Variants in PCDH15 observed in about 807,000 individuals in gnomAD.
PCDH15 encodes protocadherin-15.
PCDH15 carries 129 observed loss-of-function variants against 178.5 expected under a neutral mutation model. The observed-to-expected ratio is 0.72, with a 90% CI of 0.63 to 0.84. PCDH15 has a LOEUF of 0.84. Among genes scored for constraint, PCDH15 ranks in the 40% least tolerant of loss-of-function variants. PCDH15 has a pLI of 0.00. For synonymous variants in PCDH15, 800 were observed against 732.0 expected (o/e 1.09, Z -1.50); for missense variants, 2,230 against 2,099.9 (o/e 1.06, Z -1.21).
rs563510991 is a variant in PCDH15, at chr10:54,369,073, T to C, written c.474+47A>G. The C allele has an allele frequency of 5.6e-5, 89 of 1,588,520 alleles. No individual in the cohort carries two copies. The South Asian group carries it at 9.1e-4, about 16-fold the overall frequency. On this transcript the variant is annotated intron_variant, in intron 5 of 37. Transcript: ENST00000644397. ...TAAACATTTATTGTATATAGTTAGATACATATATCAACAGAAAGGACAGAG... is the reference window on the plus strand; with the variant it reads ...TAAACATTTATTGTATATAGTTAGACACATATATCAACAGAAAGGACAGAG...
At chr10:54,694,080 A>G (rs2095178161) in intron 1 of PCDH15, among the ~76,000 whole-genome samples, 1 of 152,144 alleles carries the variant, frequency 6.6e-6, no homozygotes, top group Non-Finnish European at 1.5e-5. Flanking sequence ...CCAGAATGAA[A>G]ATAAAATGAT....
intron 8 of PCDH15, among the ~76,000 whole-genome samples, chr10:54,291,033 T>C (rs1215086180): frequency 6.6e-6 from 1 of 151,538 alleles, no homozygotes; most frequent in Non-Finnish European, 1.5e-5. Flanking sequence ...AACTCATTCA[T>C]TTGAACTCGC....
intron 25 of PCDH15, among the ~76,000 whole-genome samples, chr10:53,918,807 G>A (rs917751642): frequency 1.3e-5 from 2 of 151,142 alleles, no homozygotes; most frequent in Non-Finnish European, 2.9e-5. Context: ...AATAGATTAC[G>A]GCAAAATTAG....
chr10:55,017,519 T>G (rs1422782500), intron 2 of PCDH15, among the ~76,000 whole-genome samples: 1 of 152,144 alleles, frequency 6.6e-6, no homozygotes, highest in African/African-American at 2.4e-5. Flanking sequence ...CTGGAAACAT[T>G]TCTACCATAA....
At chr10:53,926,559 G>A (rs1429510671) in intron 25 of PCDH15, among the ~76,000 whole-genome samples, 3 of 151,952 alleles carry the variant, frequency 2.0e-5, no homozygotes, top group Admixed American at 1.3e-4. Flanking sequence ...ACTAACTTTT[G>A]TTTACCACTA....
chr10:53,807,385 T>C (rs1011756737), intron 37 of PCDH15, among the ~76,000 whole-genome samples: 1 of 152,174 alleles, frequency 6.6e-6, no homozygotes, highest in African/African-American at 2.4e-5. Context: ...GAAACACATG[T>C]ATTCTTTTAG....
intron 3 of PCDH15, among the ~76,000 whole-genome samples, chr10:54,492,428 T>C (rs2079685191): frequency 1.3e-5 from 2 of 152,202 alleles, no homozygotes; most frequent in South Asian, 4.1e-4. Flanking sequence ...TGGTGGATTA[T>C]AGTAGTTACT....
chr10:54,674,920 CAAATAA>C (rs957647315), intron 1 of PCDH15, among the ~76,000 whole-genome samples: 21 of 152,014 alleles, frequency 1.4e-4, no homozygotes, highest in Non-Finnish European at 2.7e-4. Flanking sequence ...GTTTGAGGGG[CAAATAA>C]AATTTGAATA....
At chr10:54,318,500 T>C (rs1578667) in intron 7 of PCDH15, among the ~76,000 whole-genome samples, 31,167 of 152,146 alleles carry the variant, frequency 0.2, 3,249 homozygotes, top group Admixed American at 0.23. Context: ...GCTGTAGGAA[T>C]ACATTGTTAC....
intron 2 of PCDH15, among the ~76,000 whole-genome samples, chr10:55,473,051 A>G (rs1008069767): frequency 6.6e-6 from 1 of 152,334 alleles, no homozygotes; most frequent in African/African-American, 2.4e-5. Flanking sequence ...CCTAATTCAG[A>G]TGAATAGAAT....
At chr10:53,822,705 AAAGTGGAGAATGAG>A in intron 32 of PCDH15, 6 of 1,614,086 alleles carry the variant, frequency 3.7e-6, no homozygotes, top group Non-Finnish European at 5.1e-6. Flanking sequence ...AACAGTTGGC[AAAGTGGAGAATGAG>A]AAGTGAGGCC....
chr10:54,912,365 A>G (rs1213291985), intron 2 of PCDH15, among the ~76,000 whole-genome samples: 1 of 152,024 alleles, frequency 6.6e-6, no homozygotes, highest in Non-Finnish European at 1.5e-5. Flanking sequence ...GTCATGGAGC[A>G]GATTTGCCCT....
intron 10 of PCDH15, among the ~76,000 whole-genome samples, chr10:54,206,792 A>G (rs1425421171): frequency 6.6e-6 from 1 of 152,056 alleles, no homozygotes; most frequent in Non-Finnish European, 1.5e-5. Flanking sequence ...ATGCTCTTTC[A>G]TTGTTATATT....
intron 2 of PCDH15, among the ~76,000 whole-genome samples, chr10:55,024,944 T>A (rs1372692937): frequency 3.3e-5 from 5 of 152,134 alleles, no homozygotes; most frequent in African/African-American, 7.2e-5. Context: ...TGGTTTTTTT[T>A]AATCAAAACA....
intron 3 of PCDH15, among the ~76,000 whole-genome samples, chr10:54,861,724 A>G (rs1381404770): frequency 6.6e-6 from 1 of 152,242 alleles, no homozygotes; most frequent in Non-Finnish European, 1.5e-5. Flanking sequence ...AAGAAATAAA[A>G]GACATCCAAA....
chr10:54,948,736 T>G (rs868220841), intron 2 of PCDH15, among the ~76,000 whole-genome samples: 17 of 152,036 alleles, frequency 1.1e-4, no homozygotes, highest in Middle Eastern at 3.4e-3. Context: ...TATAACAACT[T>G]TAAAAATGAT....
chr10:54,353,400 T>A (rs1944463415), intron 5 of PCDH15, among the ~76,000 whole-genome samples: 2 of 152,160 alleles, frequency 1.3e-5, no homozygotes, highest in South Asian at 4.1e-4. Flanking sequence ...CAATTTATAT[T>A]AAACAAAATG....
intron 1 of PCDH15, among the ~76,000 whole-genome samples, chr10:55,183,338 A>T (rs370897578): frequency 6.6e-6 from 1 of 151,982 alleles, no homozygotes; most frequent in African/African-American, 2.4e-5. Context: ...ATCTTGATAC[A>T]TATTGTAAAT....
At chr10:55,285,938 T>C (rs1373005349) in intron 1 of PCDH15, among the ~76,000 whole-genome samples, 2 of 151,962 alleles carry the variant, frequency 1.3e-5, no homozygotes, top group African/African-American at 4.8e-5. Context: ...TAACCTAAAT[T>C]TGAGTACAGA....
Sources: gnomAD v4.1 joint callset for allele counts (sites outside exome capture counted in the v4.1 genomes callset) on GRCh38, gnomAD v4.1.1 for gene constraint, MANE v1.5 for transcripts, NCBI Gene and HGNC (gene_info 2026-07-23, HGNC 2026-07-21) for gene names.